The following EIF2A variants were observed in gnomAD, a reference collection of about 807,000 sequenced individuals.
EIF2A encodes the protein eukaryotic translation initiation factor 2A.
EIF2A carries 62 observed loss-of-function variants against 75.2 expected under a neutral mutation model. The ratio of observed to expected loss-of-function variants is 0.82; its 90% CI spans 0.67 to 1.02. The LOEUF (loss-of-function observed/expected upper bound fraction) is 1.02, where lower values mean the gene tolerates loss of function less well. EIF2A is among the 50% of genes least tolerant of loss of function. The pLI is 0.00. For synonymous variants in EIF2A, 207 were observed against 239.0 expected (o/e 0.87, Z 1.23); for missense variants, 611 against 677.7 (o/e 0.90, Z 1.09).
intron 12 of EIF2A, among the ~76,000 whole-genome samples, chr3:150,582,502 G>C (rs1725250989): frequency 2.0e-5 from 3 of 151,950 alleles, no homozygotes; most frequent in African/African-American, 7.3e-5. Flanking sequence ...TTTTAGTAGA[G>C]ACGGGGTTTC....
chr3:150,581,838 T>A, intron 12 of EIF2A, 92 bp downstream of exon 12: 1 of 1,444,904 alleles, frequency 6.9e-7, no homozygotes, highest in Non-Finnish European at 9.3e-7. Context: ...GACAGGTATC[T>A]AAGAAGTTGG....
chr3:150,572,323 A>G lies in EIF2A; in HGVS notation c.1177A>G (p.Thr393Ala). ...TAATGGATACAAAATTTGGCATTAT[A>G]CTGGCTCTATCTTGCACAAGTATGA... Reference protein sequence around the residue: ...VNNGYKIWHYTGSILHKYDVP... With the variant: ...VNNGYKIWHYAGSILHKYDVP... Residue 393 changes from threonine (T) to alanine (A), a missense_variant, in exon 10 of 14, where the codon ACT (threonine) becomes GCT (alanine). Transcript: ENST00000460851. 6.2e-7 allele frequency: 1 copy of G among 1,614,004 alleles called. No individual in the cohort carries two copies. The highest frequency in any genetic ancestry group is 8.5e-7 in the Non-Finnish European group (1 of 1,179,892).
intron 12 of EIF2A, 125 bp from the exon 13 acceptor site, chr3:150,583,075 A>G: frequency 1.3e-6 from 1 of 784,908 alleles, no homozygotes; most frequent in Non-Finnish European, 2.0e-6. Context: ...GCATTTTAAC[A>G]GACCATTGTT....
chr3:150,553,406 C>A (rs1020593118), intron 2 of EIF2A, among the ~76,000 whole-genome samples: 1 of 151,892 alleles, frequency 6.6e-6, no homozygotes, highest in African/African-American at 2.4e-5. Flanking sequence ...ATGTGAAGAC[C>A]TGCAAAATTC....
At position 150,572,448 on chromosome 3, in the gene EIF2A, A is replaced by AG; in HGVS notation, c.1303dup (p.Val435GlyfsTer4). On this transcript the variant is annotated frameshift_variant, in exon 10 of 14. Coordinates refer to ENST00000460851, the MANE Select transcript of EIF2A (RefSeq NM_032025.5). LOFTEE classifies it high-confidence loss of function. ...TAACTTACCAAGCAGTTCCAAGTGA[A>AG]GTACCCAATGAGGAACCTAAAGTTG... 1 of 1,614,058 alleles carries AG rather than the reference A, an allele frequency of 6.2e-7. No individual in the cohort carries two copies. The highest frequency in any genetic ancestry group is 1.7e-5 in the Admixed American group (1 of 60,030).
chr3:150,561,407 G>A (rs570063591), intron 3 of EIF2A, among the ~76,000 whole-genome samples: 11 of 152,234 alleles, frequency 7.2e-5, no homozygotes, highest in African/African-American at 2.2e-4. Context: ...GTGAAACCCC[G>A]TCTCTACCAA....
At chr3:150,557,061 A>T (rs1231074495) in intron 2 of EIF2A, among the ~76,000 whole-genome samples, 3 of 152,188 alleles carry the variant, frequency 2.0e-5, no homozygotes, top group African/African-American at 7.2e-5. Flanking sequence ...CTGATTAATG[A>T]GTTAGTTTTA....
chr3:150,568,975 TTAAAA>T (rs1423548075), intron 9 of EIF2A, among the ~76,000 whole-genome samples: 4 of 152,226 alleles, frequency 2.6e-5, no homozygotes, highest in Non-Finnish European at 5.9e-5. Flanking sequence ...AACTAAAACT[TTAAAA>T]TAATAGTTTT....
intron 6 of EIF2A, chr3:150,565,658 A>T (rs1159102233): frequency 1.3e-5 from 2 of 156,926 alleles, no homozygotes; most frequent in East Asian, 3.7e-4. Context: ...TCCTGGGCTC[A>T]AGCAATTCTC....
chr3:150,577,024 T>A (rs1161447917), intron 11 of EIF2A, among the ~76,000 whole-genome samples: 1 of 152,308 alleles, frequency 6.6e-6, no homozygotes, highest in East Asian at 1.9e-4. Flanking sequence ...TTATACTAGG[T>A]AATTCATAAA....
At chr3:150,566,665 A>G (rs929036976) in intron 6 of EIF2A, 2 of 152,102 alleles carry the variant, frequency 1.3e-5, no homozygotes, top group Admixed American at 1.3e-4. Flanking sequence ...GTTACTCTGG[A>G]ATACCAGGGA....
At chr3:150,557,467 A>G (rs1273332421) in intron 2 of EIF2A, 3 of 186,500 alleles carry the variant, frequency 1.6e-5, no homozygotes, top group African/African-American at 4.8e-5. Context: ...ACAGTGGCGC[A>G]GGGGTTCACT....
chr3:150,551,079 G>T (rs541194249), intron 1 of EIF2A, among the ~76,000 whole-genome samples: 8 of 152,070 alleles, frequency 5.3e-5, no homozygotes, highest in Non-Finnish European at 1.0e-4. Flanking sequence ...TGTTCTCCTT[G>T]CTTGTTAACT....
chr3:150,568,084 A>G (rs749151943), intron 8 of EIF2A, 38 bp downstream of exon 8: 1 of 1,600,002 alleles, frequency 6.2e-7, no homozygotes, highest in South Asian at 1.1e-5. Flanking sequence ...TTTGTTTATC[A>G]GTTGTTAATT....
At chr3:150,552,461 C>T in intron 2 of EIF2A, 36 bp downstream of exon 2, 2 of 1,503,486 alleles carry the variant, frequency 1.3e-6, no homozygotes, top group South Asian at 2.5e-5. Context: ...TTATAGGGAA[C>T]ATACAGTACA....
At position 150,583,235 on chromosome 3, in the gene EIF2A, A is replaced by G; in HGVS notation, c.1662A>G (p.Ala554=). 1 of 1,613,264 alleles carries G rather than the reference A, an allele frequency of 6.2e-7. No homozygotes were observed. Among genetic ancestry groups the G allele is most frequent in the Non-Finnish European group, 8.5e-7 (1 of 1,179,628 alleles). ...CAATCGAACAACTGAAAGAACAAGC[A>G]GCAACTGGAAAACAGCTAGAAAAAA... ...LKAIEQLKEQ[A]ATGKQLEKNQ... Residue 554 remains alanine, a synonymous_variant, in exon 13 of 14, where the codon GCA becomes GCG. Transcript: ENST00000460851.
At chr3:150,577,095 A>G (rs1487943927) in intron 11 of EIF2A, among the ~76,000 whole-genome samples, 1 of 152,106 alleles carries the variant, frequency 6.6e-6, no homozygotes, top group Non-Finnish European at 1.5e-5. Context: ...TCTGGTGAGA[A>G]CCCGTTCATC....
chr3:150,566,740 G>A, intron 6 of EIF2A: 1 of 151,390 alleles, frequency 6.6e-6, no homozygotes, highest in African/African-American at 2.4e-5. Flanking sequence ...TATCCACAAG[G>A]TATTCTTACA....
At position 150,572,249 on chromosome 3, in the gene EIF2A, A is replaced by C. The variant is rs1475647123; in HGVS notation, c.1103A>C (p.Asp368Ala). The C allele has an allele frequency of 5.0e-6, 8 of 1,613,806 alleles. No individual in the cohort carries two copies. Among genetic ancestry groups the C allele is most frequent in the African/African-American group, 1.3e-5 (1 of 74,910 alleles). ...SDSTYFAWCPDGEHILTATCA... is the reference protein window; with the variant it reads ...SDSTYFAWCPAGEHILTATCA... ...TCTACATATTTTGCTTGGTGCCCGG[A>C]TGGTGAGCATATTTTAACAGCTACA... is the stretch of plus-strand genomic sequence containing the variant. The change falls in exon 10 of 14, where the codon GAT becomes GCT. Residue 368 changes from aspartate to alanine, a missense_variant. Asp to Ala is a moderately radical substitution (Grantham distance 126, BLOSUM62 -2). Coordinates refer to ENST00000460851, the MANE Select transcript of EIF2A (RefSeq NM_032025.5).
Sources: allele counts gnomAD v4.1 joint callset (sites outside exome capture counted in the v4.1 genomes callset), GRCh38; gene constraint gnomAD v4.1.1; transcripts MANE v1.5; gene names NCBI Gene and HGNC (gene_info 2026-07-23, HGNC 2026-07-21).